VPS53: variants seen among roughly 807,000 people sequenced by gnomAD.
VPS53 encodes the protein VPS53 subunit of GARP complex.
Under a neutral mutation model 107.0 loss-of-function variants are expected in VPS53, and 70 were observed. The observed-to-expected ratio is 0.65, with a 90% CI of 0.54 to 0.80. The LOEUF (loss-of-function observed/expected upper bound fraction) is 0.80. Ranked by LOEUF, VPS53 falls within the 30% of genes least tolerant of loss-of-function variation. VPS53 has a pLI of 0.00. For missense variants in VPS53, 917 were observed against 1,049.4 expected (o/e 0.87, Z 1.74); for synonymous variants, 409 against 393.3 (o/e 1.04, Z -0.47).
Position 631,722 on chromosome 17 carries a change from G to A in VPS53, c.609-94C>T, listed in dbSNP as rs1597405968. 22 of 1,134,568 alleles carry A rather than the reference G, an allele frequency of 1.9e-5. No individual in the cohort carries two copies. In the South Asian group the frequency reaches 2.9e-4, roughly 15 times the overall value. The allele number at this position is 1,134,568 out of a possible 1,614,324, so 70.3% of individuals were successfully genotyped here. On this transcript the variant is annotated intron_variant, in intron 7 of 21. Transcript: ENST00000437048. ...GGTCGGAAGGGCTGAAGTCTTTCGAGAAAGGCCAGGAAGGGTACAGAGACG... is the reference window on the plus strand; with the variant it reads ...GGTCGGAAGGGCTGAAGTCTTTCGAAAAAGGCCAGGAAGGGTACAGAGACG...
intron 6 of VPS53, among the ~76,000 whole-genome samples, chr17:654,744 A>G (rs12939018): frequency 6.8e-6 from 1 of 147,238 alleles, no homozygotes; most frequent in Non-Finnish European, 1.5e-5. Context: ...CTCAAAAAAA[A>G]AAAAAAAAAA....
intron 13 of VPS53, among the ~76,000 whole-genome samples, chr17:571,115 C>A (rs1459829176): frequency 2.0e-5 from 3 of 151,936 alleles, no homozygotes; most frequent in Admixed American, 2.0e-4. Flanking sequence ...GAGTTTGAGA[C>A]CAGCCCGAGC....
At chr17:595,965 T>C (rs967880446) in intron 12 of VPS53, among the ~76,000 whole-genome samples, 18 of 126,914 alleles carry the variant, frequency 1.4e-4, no homozygotes, top group East Asian at 2.7e-4. Flanking sequence ...CACTCTAGTG[T>C]CCCCCTGGAG....
chr17:619,569 C>T (rs12945306), intron 11 of VPS53, among the ~76,000 whole-genome samples: 2,566 of 92,294 alleles, frequency 0.028, no homozygotes, highest in Admixed American at 0.046. Flanking sequence ...TACAGGCATG[C>T]ACCACCACAC....
At chr17:688,850 G>A (rs912822814) in intron 4 of VPS53, among the ~76,000 whole-genome samples, 1 of 152,226 alleles carries the variant, frequency 6.6e-6, no homozygotes, top group Non-Finnish European at 1.5e-5. Context: ...AGATCACGGT[G>A]TTCAGGGCAC....
Position 653,480 on chromosome 17 carries a change from C to T in VPS53, c.489-70G>A. Reference sequence around the variant, plus strand: ...ACGCAAGATACAGACACAGAACAACCCACGCTAGCTCTCAAACAGATATCA... The same window carrying T: ...ACGCAAGATACAGACACAGAACAACTCACGCTAGCTCTCAAACAGATATCA... On this transcript the variant is annotated intron_variant, in intron 6 of 21. Coordinates refer to ENST00000437048, the MANE Select transcript of VPS53 (RefSeq NM_001128159.3). 3 of 1,603,118 alleles carry T rather than the reference C, an allele frequency of 1.9e-6. No individual in the cohort carries two copies. In the East Asian group the frequency reaches 6.7e-5, roughly 36 times the overall value.
chr17:609,585 C>A (rs914067757), intron 11 of VPS53, among the ~76,000 whole-genome samples: 1 of 152,164 alleles, frequency 6.6e-6, no homozygotes, highest in Non-Finnish European at 1.5e-5. Flanking sequence ...AGGCATGGCA[C>A]ATTAACACTG....
intron 5 of VPS53, among the ~76,000 whole-genome samples, chr17:658,698 C>T (rs1475731004): frequency 6.9e-6 from 1 of 143,980 alleles, no homozygotes; most frequent in Admixed American, 7.1e-5. Flanking sequence ...GACACTCGGC[C>T]GTGAGTTCGT....
intron 11 of VPS53, among the ~76,000 whole-genome samples, chr17:613,873 C>A (rs1006178487): frequency 2.6e-5 from 4 of 152,222 alleles, no homozygotes; most frequent in Non-Finnish European, 2.9e-5. Context: ...GGAAACCACC[C>A]GAATGTCCAC....
At position 610,174 on chromosome 17, in the gene VPS53, CACACAA is replaced by C. The variant is rs1222212486; in HGVS notation, c.1117-8284_1117-8279del. ...ACACACACACACACACACACACACA[CACACAA>C]ATTAGTAGACAAAAATATTCATATA... On this transcript the variant is annotated intron_variant, in intron 11 of 21. Coordinates refer to ENST00000437048, the MANE Select transcript of VPS53 (RefSeq NM_001128159.3). 1.2e-3 allele frequency among the ~76,000 whole-genome samples: 107 copies of C among 87,518 alleles called. 2 individuals carry two copies. Among genetic ancestry groups the C allele is most frequent in the African/African-American group, 4.2e-3 (104 of 24,842 alleles). The allele number at this position is 87,518 out of a possible 152,430, so 57.4% of individuals were successfully genotyped here. A position where few individuals can be genotyped will look rare whatever the true frequency, so the allele number is the denominator to read the frequency against.
At position 667,025 on chromosome 17, in the gene VPS53, AT is replaced by A. The variant is rs1382815989; in HGVS notation, c.286-5131del. Among the ~76,000 whole-genome samples the A allele has an allele frequency of 3.9e-5, 6 of 152,336 alleles. No homozygotes were observed. In the East Asian group the frequency reaches 1.2e-3, roughly 29 times the overall value. ...AGTCAAGGGAATGGACAGCGATGAC[AT>A]GAAGTAGAGGCTGTGATCACAGAGC... On this transcript the variant is annotated intron_variant, in intron 4 of 21. Coordinates refer to ENST00000437048, the MANE Select transcript of VPS53 (RefSeq NM_001128159.3).
intron 4 of VPS53, among the ~76,000 whole-genome samples, chr17:689,474 T>A (rs1163734535): frequency 1.4e-5 from 2 of 140,494 alleles, no homozygotes; most frequent in Non-Finnish European, 3.1e-5. Context: ...ATTTTTTTTT[T>A]TTTTTTTTTT....
At chr17:637,593 T>C (rs1651570579) in intron 7 of VPS53, among the ~76,000 whole-genome samples, 2 of 152,238 alleles carry the variant, frequency 1.3e-5, no homozygotes, top group South Asian at 4.1e-4. Flanking sequence ...GCTTTAAATG[T>C]GTCCCAGAGA....
intron 11 of VPS53, among the ~76,000 whole-genome samples, chr17:609,737 G>A (rs1968756774): frequency 6.6e-6 from 1 of 152,174 alleles, no homozygotes; most frequent in Non-Finnish European, 1.5e-5. Flanking sequence ...TTCCACTAGT[G>A]TCGTAAGAAA....
At chr17:593,110 A>G (rs1967760901) in intron 12 of VPS53, among the ~76,000 whole-genome samples, 1 of 152,204 alleles carries the variant, frequency 6.6e-6, no homozygotes, top group African/African-American at 2.4e-5. Flanking sequence ...AGCCATATGT[A>G]GAAAGCTGAA....
intron 14 of VPS53, among the ~76,000 whole-genome samples, chr17:561,707 G>A (rs537073445): frequency 3.0e-4 from 45 of 152,258 alleles, no homozygotes; most frequent in South Asian, 2.3e-3. Context: ...TCGGCTCAGC[G>A]CAACCTCCGC....
At chr17:672,108 TGACACACACACACACACACACA>T (rs1192737211) in intron 4 of VPS53, among the ~76,000 whole-genome samples, 1 of 30,302 alleles carries the variant, frequency 3.3e-5, no homozygotes, top group African/African-American at 7.9e-5. Flanking sequence ...ATGATGAGGG[TGACACACACACACACACACACA>T]CACACACACA....
At chr17:673,907 G>A (rs1169964689) in intron 4 of VPS53, 1 of 152,210 alleles carries the variant, frequency 6.6e-6, no homozygotes, top group Admixed American at 6.5e-5. Flanking sequence ...CAGGAGACAA[G>A]CCAGAAATTA....
intron 7 of VPS53, among the ~76,000 whole-genome samples, chr17:651,461 C>T (rs769399928): frequency 4.6e-5 from 7 of 152,160 alleles, no homozygotes; most frequent in South Asian, 2.1e-4. Flanking sequence ...TGAGGTGCTG[C>T]GTGCTTGTAG....
Sources: gnomAD v4.1 joint callset for allele counts (sites outside exome capture counted in the v4.1 genomes callset) on GRCh38, gnomAD v4.1.1 for gene constraint, MANE v1.5 for transcripts, NCBI Gene and HGNC (gene_info 2026-07-23, HGNC 2026-07-21) for gene names.